ACO1: variants seen among roughly 807,000 people sequenced by gnomAD.
ACO1 encodes the protein aconitase 1, also known as cytoplasmic aconitate hydratase.
In ACO1, 78 loss-of-function variants were observed where a neutral mutation model predicts 105.1. That is an observed-to-expected ratio of 0.74 (90% CI 0.62 to 0.90). The LOEUF (loss-of-function observed/expected upper bound fraction) is 0.90, where lower values mean the gene tolerates loss of function less well. Among genes scored for constraint, ACO1 ranks in the 40% least tolerant of loss-of-function variants. The pLI is 0.00. For synonymous variants in ACO1, 364 were observed against 397.4 expected, an observed-to-expected ratio of 0.92 and a Z score of 1.00; for missense variants, 965 against 1,111.1, an observed-to-expected ratio of 0.87 and a Z score of 1.87.
At chr9:32,447,597 T>C (rs73477401) in intron 19 of ACO1, among the ~76,000 whole-genome samples, 15 of 152,286 alleles carry the variant, frequency 9.8e-5, no homozygotes, top group African/African-American at 3.6e-4. Flanking sequence ...ACCGTCTAGT[T>C]TTGTTCCCTT....
intron 19 of ACO1, 97 bp from the exon 20 acceptor site, chr9:32,448,799 C>G: frequency 7.7e-7 from 1 of 1,297,900 alleles, no homozygotes; most frequent in Non-Finnish European, 1.1e-6. Flanking sequence ...TGTTCCTATT[C>G]GGCCATCATG....
At chr9:32,392,363 G>A (rs1821283707) in intron 1 of ACO1, among the ~76,000 whole-genome samples, 1 of 152,138 alleles carries the variant, frequency 6.6e-6, no homozygotes, top group South Asian at 2.1e-4. Flanking sequence ...ATGGGATGGT[G>A]ATGCCCTTGT....
chr9:32,401,071 A>G (rs1821485318), intron 1 of ACO1, among the ~76,000 whole-genome samples: 1 of 152,132 alleles, frequency 6.6e-6, no homozygotes, highest in Non-Finnish European at 1.5e-5. Context: ...GAATCTGAGT[A>G]AGGGATTGTA....
At chr9:32,426,021 C>T (rs1395572853) in intron 11 of ACO1, 24 bp downstream of exon 11, 1 of 1,608,186 alleles carries the variant, frequency 6.2e-7, no homozygotes, top group South Asian at 1.1e-5. Context: ...ACTCCATCCT[C>T]ATGGTCATAC....
chr9:32,410,593 GA>G (rs1242218103), intron 4 of ACO1, among the ~76,000 whole-genome samples: 4 of 150,584 alleles, frequency 2.7e-5, no homozygotes, highest in Admixed American at 6.6e-5. Context: ...AGTTAAACTT[GA>G]AAAAAAAAGA....
chr9:32,447,816 G>A (rs77978786), intron 19 of ACO1, among the ~76,000 whole-genome samples: 6,746 of 152,262 alleles, frequency 0.044, 472 homozygotes, highest in African/African-American at 0.15. Context: ...CTTCTAACAA[G>A]CAGACTCCTC....
chr9:32,440,018 G>A (rs1822441581), intron 18 of ACO1, among the ~76,000 whole-genome samples: 1 of 152,176 alleles, frequency 6.6e-6, no homozygotes, highest in Admixed American at 6.5e-5. Flanking sequence ...TGTAATCCCA[G>A]CACTTTGGGA....
chr9:32,448,871 C>G, intron 19 of ACO1, 25 bp from the exon 20 acceptor site: 1 of 1,613,888 alleles, frequency 6.2e-7, no homozygotes, highest in Non-Finnish European at 8.5e-7. Flanking sequence ...GGAAGTATGT[C>G]TAAACTACTG....
chr9:32,399,369 A>C (rs1821440027), intron 1 of ACO1, among the ~76,000 whole-genome samples: 1 of 152,254 alleles, frequency 6.6e-6, no homozygotes, highest in Non-Finnish European at 1.5e-5. Context: ...TAGCTATTAA[A>C]GAAGTACCAA....
intron 2 of ACO1, among the ~76,000 whole-genome samples, chr9:32,406,678 T>C (rs967688327): frequency 6.6e-6 from 1 of 152,208 alleles, no homozygotes; most frequent in Non-Finnish European, 1.5e-5. Context: ...TGAGATGTGA[T>C]GACTTAAGGG....
chr9:32,413,564 ATTTAACCTCATGATCTCTCTCCTCATTT>A, intron 4 of ACO1, among the ~76,000 whole-genome samples: 1 of 151,914 alleles, frequency 6.6e-6, no homozygotes, highest in African/African-American at 2.4e-5. Context: ...TGGTTTTGCA[ATTTAACCTCATGATCTCTCTCCTCATTT>A]TTGTAAGGAA....
intron 1 of ACO1, among the ~76,000 whole-genome samples, chr9:32,397,309 A>G (rs1363743569): frequency 6.6e-6 from 1 of 152,228 alleles, no homozygotes; most frequent in Non-Finnish European, 1.5e-5. Flanking sequence ...AAGTTCTTCT[A>G]GTTACAAGTA....
At chr9:32,427,581 C>T (rs750330893) in intron 12 of ACO1, 145 bp downstream of exon 12, 188 of 1,184,734 alleles carry the variant, frequency 1.6e-4, no homozygotes, top group Admixed American at 3.5e-4. Flanking sequence ...AGACTTAAAC[C>T]CTTACATTCC....
intron 3 of ACO1, among the ~76,000 whole-genome samples, chr9:32,407,650 C>T (rs1468304427): frequency 1.3e-5 from 2 of 152,176 alleles, no homozygotes; most frequent in Non-Finnish European, 2.9e-5. Context: ...CTGAAACACG[C>T]CACTTTTTCT....
intron 2 of ACO1, among the ~76,000 whole-genome samples, chr9:32,406,486 G>C (rs923735507): frequency 6.6e-6 from 1 of 152,090 alleles, no homozygotes; most frequent in Non-Finnish European, 1.5e-5. Flanking sequence ...AGCTGGGTGT[G>C]GTGATGCTTA....
At chr9:32,448,775 C>G (rs1200466742) in intron 19 of ACO1, 121 bp from the exon 20 acceptor site, 30 of 979,394 alleles carry the variant, frequency 3.1e-5, no homozygotes, top group Non-Finnish European at 4.5e-5. Context: ...TCACTGGGAG[C>G]TGCAGACTGG....
chr9:32,397,767 A>T (rs1478951898), intron 1 of ACO1, among the ~76,000 whole-genome samples: 2 of 152,214 alleles, frequency 1.3e-5, no homozygotes, highest in African/African-American at 4.8e-5. Flanking sequence ...AGTATATTTC[A>T]GAAGGTGTAG....
intron 4 of ACO1, among the ~76,000 whole-genome samples, chr9:32,416,205 C>T (rs1233854839): frequency 6.6e-6 from 1 of 151,850 alleles, no homozygotes; most frequent in African/African-American, 2.4e-5. Context: ...AGTGATTCTC[C>T]TGCCTCAGCC....
At position 32,418,463 on chromosome 9, in the gene ACO1, A is replaced by G; in HGVS notation, c.610A>G (p.Thr204Ala). The G allele has an allele frequency of 1.2e-6, 2 of 1,614,188 alleles. No homozygotes were observed. Among genetic ancestry groups the G allele is most frequent in the South Asian group, 2.2e-5 (2 of 91,084 alleles). ...GYYYPDSLVGTDSHTTMIDGL... is the reference protein window; with the variant it reads ...GYYYPDSLVGADSHTTMIDGL... ...TTATTACCCAGACAGCCTCGTGGGCACAGACTCGCACACTACCATGATTGA... is the reference window on the plus strand; with the variant it reads ...TTATTACCCAGACAGCCTCGTGGGCGCAGACTCGCACACTACCATGATTGA... Residue 204 changes from threonine to alanine, a missense_variant, in exon 6 of 21, where the codon ACA becomes GCA. Transcript: ENST00000309951.
Sources: allele counts gnomAD v4.1 joint callset (sites outside exome capture counted in the v4.1 genomes callset), GRCh38; gene constraint gnomAD v4.1.1; transcripts MANE v1.5; gene names NCBI Gene and HGNC (gene_info 2026-07-23, HGNC 2026-07-21).